Variants in ST7 observed in about 807,000 individuals in gnomAD.
ST7 encodes suppressor of tumorigenicity 7 protein.
ST7 carries 28 observed loss-of-function variants against 78.7 expected under a neutral mutation model. That is an observed-to-expected ratio of 0.36 (90% CI 0.26 to 0.49). ST7 has a LOEUF of 0.49. Among genes scored for constraint, ST7 ranks in the 20% least tolerant of loss-of-function variants. The probability of loss-of-function intolerance (pLI) is 0.99; values close to 1 mark genes in which losing one functional copy is unlikely to be tolerated. For missense variants in ST7, 418 were observed against 696.0 expected (o/e 0.60, Z 4.49); for synonymous variants, 247 against 249.6 (o/e 0.99, Z 0.10).
chr7:117,041,125 A>C (rs1487413124), intron 1 of ST7, among the ~76,000 whole-genome samples: 1 of 152,216 alleles, frequency 6.6e-6, no homozygotes, highest in Non-Finnish European at 1.5e-5. Flanking sequence ...ATGAACAAGA[A>C]AGCCTGAGTG....
At chr7:117,129,912 G>A in intron 4 of ST7, 65 bp downstream of exon 4, 1 of 1,333,100 alleles carries the variant, frequency 7.5e-7, no homozygotes, top group Non-Finnish European at 1.1e-6. Flanking sequence ...AGCAGCAAAT[G>A]TTTTTGCTGG....
intron 9 of ST7, among the ~76,000 whole-genome samples, chr7:117,154,295 G>A (rs1001038977): frequency 3.3e-5 from 5 of 152,146 alleles, no homozygotes; most frequent in South Asian, 2.1e-4. Flanking sequence ...GGCCCTCACC[G>A]GAAGCCAAAT....
At chr7:116,998,035 G>A (rs1794746579) in intron 1 of ST7, among the ~76,000 whole-genome samples, 3 of 152,220 alleles carry the variant, frequency 2.0e-5, no homozygotes, top group South Asian at 2.1e-4. Context: ...ACCAGGTGCC[G>A]TGGAGCGGGG....
chr7:117,210,575 G>A (rs1307904955), intron 13 of ST7, among the ~76,000 whole-genome samples: 4 of 152,188 alleles, frequency 2.6e-5, no homozygotes, highest in Non-Finnish European at 4.4e-5. Context: ...TCGTCTAATT[G>A]GGAAGAGGAA....
At chr7:117,113,255 T>C (rs191956597) in intron 2 of ST7, among the ~76,000 whole-genome samples, 21 of 152,216 alleles carry the variant, frequency 1.4e-4, no homozygotes, top group Admixed American at 1.4e-3. Flanking sequence ...AAGGATGGAG[T>C]GAAGACTAGA....
intron 1 of ST7, among the ~76,000 whole-genome samples, chr7:117,094,114 A>C (rs1370126987): frequency 6.6e-6 from 1 of 152,218 alleles, no homozygotes; most frequent in African/African-American, 2.4e-5. Flanking sequence ...TTGTCTCATC[A>C]TAGTGGAAAC....
At chr7:117,177,329 G>A (rs1808415556) in intron 10 of ST7, among the ~76,000 whole-genome samples, 1 of 152,190 alleles carries the variant, frequency 6.6e-6, no homozygotes, top group Non-Finnish European at 1.5e-5. Context: ...AAGACCTTTG[G>A]TGAATGCATA....
At chr7:117,052,846 A>T (rs1296265786) in intron 1 of ST7, among the ~76,000 whole-genome samples, 2 of 152,246 alleles carry the variant, frequency 1.3e-5, no homozygotes, top group Non-Finnish European at 2.9e-5. Flanking sequence ...GTGAGCTGAG[A>T]TCGCGCCACT....
At chr7:117,066,311 A>C (rs1365653120) in intron 1 of ST7, among the ~76,000 whole-genome samples, 1 of 152,236 alleles carries the variant, frequency 6.6e-6, no homozygotes, top group Non-Finnish European at 1.5e-5. Flanking sequence ...ACTCTGGGAA[A>C]TAGACCGTGT....
At chr7:117,143,125 G>A (rs985386390) in intron 9 of ST7, among the ~76,000 whole-genome samples, 1 of 152,178 alleles carries the variant, frequency 6.6e-6, no homozygotes, top group African/African-American at 2.4e-5. Context: ...TGTGATGTGG[G>A]TTGGTGGTCT....
intron 1 of ST7, among the ~76,000 whole-genome samples, chr7:117,097,129 C>G (rs896173344): frequency 6.6e-6 from 1 of 151,940 alleles, no homozygotes; most frequent in East Asian, 1.9e-4. Context: ...AATCTTTCCT[C>G]TCCATTGCTT....
rs552555600 is a variant in ST7, at chr7:117,198,169, T to C, written c.1254+7233T>C. On this transcript the variant is annotated intron_variant, in intron 12 of 15. Coordinates refer to ENST00000323984, the MANE Select transcript of ST7 (RefSeq NM_001369598.1). ...ATTAGTTTCCTGCCCATTCTTGTTT[T>C]GATAAAATGAGGATAAAAGTAATGG... 1.4e-4 allele frequency among the ~76,000 whole-genome samples: 22 copies of C among 152,350 alleles called. No homozygotes were observed. The East Asian group carries it at 4.0e-3, about 28-fold the overall frequency.
intron 1 of ST7, among the ~76,000 whole-genome samples, chr7:117,066,586 C>A (rs979598045): frequency 1.3e-5 from 2 of 151,808 alleles, no homozygotes; most frequent in African/African-American, 4.8e-5. Context: ...ATGGTGAAAT[C>A]CCATCTCTAC....
chr7:117,095,381 A>G (rs571044409), intron 1 of ST7, among the ~76,000 whole-genome samples: 2 of 152,140 alleles, frequency 1.3e-5, no homozygotes, highest in East Asian at 3.9e-4. Flanking sequence ...CCTCTTACCT[A>G]TGCTTTTCTG....
At chr7:117,176,662 C>A (rs570918711) in intron 10 of ST7, among the ~76,000 whole-genome samples, 35 of 152,250 alleles carry the variant, frequency 2.3e-4, no homozygotes, top group African/African-American at 7.9e-4. Context: ...AGGCTGTTTT[C>A]CATTTATGTT....
At chr7:117,148,831 A>G (rs988649047) in intron 9 of ST7, among the ~76,000 whole-genome samples, 3 of 152,146 alleles carry the variant, frequency 2.0e-5, no homozygotes, top group Non-Finnish European at 4.4e-5. Flanking sequence ...TGTGGGGAGC[A>G]CTGATGTCTG....
intron 1 of ST7, among the ~76,000 whole-genome samples, chr7:117,022,687 A>C (rs187099141): frequency 2.0e-5 from 3 of 152,188 alleles, no homozygotes; most frequent in Non-Finnish European, 4.4e-5. Flanking sequence ...TTGTTTAACT[A>C]TCTATTCTGT....
chr7:117,168,688 A>C (rs1807753234), intron 9 of ST7, among the ~76,000 whole-genome samples: 1 of 152,190 alleles, frequency 6.6e-6, no homozygotes, highest in Admixed American at 6.5e-5. Context: ...CTGAACACAT[A>C]ATCAGTTTAA....
intron 1 of ST7, among the ~76,000 whole-genome samples, chr7:117,046,223 AC>A (rs1797485588): frequency 6.6e-6 from 1 of 152,038 alleles, no homozygotes; most frequent in Admixed American, 6.6e-5. Flanking sequence ...TGTAGGGTGA[AC>A]CCTGTTTCTT....
Sources: allele counts gnomAD v4.1 joint callset (sites outside exome capture counted in the v4.1 genomes callset), GRCh38; gene constraint gnomAD v4.1.1; transcripts MANE v1.5; gene names NCBI Gene and HGNC (gene_info 2026-07-23, HGNC 2026-07-21).